Variants in CTSC observed in about 807,000 individuals in gnomAD.
CTSC encodes the protein cathepsin C.
A neutral mutation model predicts 40.9 loss-of-function variants in CTSC; 37 were observed. That is an observed-to-expected ratio of 0.91 (90% CI 0.70 to 1.19). CTSC has a LOEUF of 1.19. Ranked by LOEUF, CTSC falls within the 50% of genes most tolerant of loss-of-function variation. The probability of loss-of-function intolerance (pLI) is 0.00; values close to 1 mark genes in which losing one functional copy is unlikely to be tolerated. For missense variants in CTSC, 594 were observed against 567.3 expected, an observed-to-expected ratio of 1.05 and a Z score of -0.48; for synonymous variants, 232 against 207.4, an observed-to-expected ratio of 1.12 and a Z score of -1.02.
At chr11:88,295,404 G>T (rs1214374810) in intron 6 of CTSC, among the ~76,000 whole-genome samples, 2 of 151,612 alleles carry the variant, frequency 1.3e-5, no homozygotes, top group African/African-American at 4.8e-5. Context: ...TTCATAACAG[G>T]GCCTCACTCC....
At chr11:88,319,821 T>A (rs1404410813) in intron 2 of CTSC, among the ~76,000 whole-genome samples, 1 of 152,202 alleles carries the variant, frequency 6.6e-6, no homozygotes, top group Non-Finnish European at 1.5e-5. Flanking sequence ...AGATGATTTG[T>A]AATTTTGAAA....
chr11:88,326,097 G>T, intron 2 of CTSC: 1 of 1,273,108 alleles, frequency 7.9e-7, no homozygotes, highest in Non-Finnish European at 9.9e-7. Flanking sequence ...GTTGTATATT[G>T]TTCCTTTTAT....
At chr11:88,307,609 T>A (rs1446249349) in intron 4 of CTSC, among the ~76,000 whole-genome samples, 1 of 148,426 alleles carries the variant, frequency 6.7e-6, no homozygotes, top group Non-Finnish European at 1.5e-5. Flanking sequence ...GAGAGGATTT[T>A]GAGATTTTTT....
chr11:88,304,702 A>C (rs1437350552), intron 4 of CTSC, among the ~76,000 whole-genome samples: 1 of 152,248 alleles, frequency 6.6e-6, no homozygotes, highest in East Asian at 1.9e-4. Flanking sequence ...GACAGGCTGC[A>C]GTAAAGAAGC....
rs147075200 is a variant in CTSC, at chr11:88,316,655, C to T, written c.319-4101G>A. Among the ~76,000 whole-genome samples the T allele has an allele frequency of 7.2e-3, 1,100 of 152,178 alleles. 13 individuals carry two copies. Among genetic ancestry groups the T allele is most frequent in the South Asian group, 0.027 (129 of 4,828 alleles). On this transcript the variant is annotated intron_variant, in intron 2 of 6. Coordinates refer to ENST00000227266, the MANE Select transcript of CTSC (RefSeq NM_001814.6). ...TTTTGTTTATTCAGTACCTAGAAAACTATCTGGCACTAGGAAGTAATTAAC... is the reference window on the plus strand; with the variant it reads ...TTTTGTTTATTCAGTACCTAGAAAATTATCTGGCACTAGGAAGTAATTAAC...
intron 2 of CTSC, among the ~76,000 whole-genome samples, chr11:88,329,947 C>CA (rs1938305386): frequency 6.6e-6 from 1 of 152,162 alleles, no homozygotes; most frequent in Non-Finnish European, 1.5e-5. Flanking sequence ...CGCTAGTCTC[C>CA]AACTTCTCAA....
At chr11:88,303,622 T>C (rs1339770288) in intron 4 of CTSC, among the ~76,000 whole-genome samples, 1 of 152,218 alleles carries the variant, frequency 6.6e-6, no homozygotes, top group Non-Finnish European at 1.5e-5. Context: ...AACTTCCACT[T>C]GTTCAGCTAT....
intron 3 of CTSC, among the ~76,000 whole-genome samples, 184 bp from the exon 4 acceptor site, chr11:88,309,502 TTAAC>T (rs1404413300): frequency 1.3e-5 from 2 of 152,258 alleles, no homozygotes; most frequent in Admixed American, 1.3e-4. Flanking sequence ...AAAGTTCAAG[TTAAC>T]TAAGATGCAT....
intron 2 of CTSC, chr11:88,325,860 A>C: frequency 1.0e-6 from 1 of 986,902 alleles, no homozygotes; most frequent in Non-Finnish European, 1.2e-6. Flanking sequence ...TCCCTTCAAT[A>C]ACTTATATCT....
chr11:88,307,850 C>T (rs1046803212), intron 4 of CTSC, among the ~76,000 whole-genome samples: 4 of 152,102 alleles, frequency 2.6e-5, no homozygotes, highest in Non-Finnish European at 2.9e-5. Context: ...AATCACCCAA[C>T]GGGTTCTCCT....
Position 88,312,432 on chromosome 11 carries a change from C to A in CTSC, c.441G>T (p.Glu147Asp). 4 of 1,614,176 alleles carry A rather than the reference C, an allele frequency of 2.5e-6. No homozygotes were observed. The highest frequency in any genetic ancestry group is 3.4e-6 in the Non-Finnish European group (4 of 1,180,010). ...FTGKKVGTAS[E>D]NVYVNIAHLK... Reference sequence around the variant, plus strand: ...GGTGTGCTATGTTGACATACACATTCTCAGAGGCAGTTCCCACCTTCTTTC... The same window carrying A: ...GGTGTGCTATGTTGACATACACATTATCAGAGGCAGTTCCCACCTTCTTTC... The change falls in exon 3 of 7, where the codon GAG becomes GAT. Residue 147 changes from glutamate (E) to aspartate (D), a missense_variant. By Grantham distance (45) the Glu-to-Asp change is conservative (BLOSUM62 2). Coordinates refer to ENST00000227266, the MANE Select transcript of CTSC (RefSeq NM_001814.6).
At chr11:88,297,836 AAAG>A (rs1944315435) in intron 5 of CTSC, 1 of 152,234 alleles carries the variant, frequency 6.6e-6, no homozygotes, top group African/African-American at 2.4e-5. Flanking sequence ...GCAATGCAAT[AAAG>A]AATAAGAAGT....
At chr11:88,305,061 G>A (rs777731341) in intron 4 of CTSC, among the ~76,000 whole-genome samples, 4 of 149,464 alleles carry the variant, frequency 2.7e-5, no homozygotes, top group African/African-American at 5.0e-5. Context: ...TTGCTTTACC[G>A]CACTCCAGCC....
rs1443508824 is a variant in CTSC, at chr11:88,294,471, C to T, written c.927G>A (p.Lys309=). 1.2e-6 allele frequency: 2 copies of T among 1,614,164 alleles called. No individual in the cohort carries two copies. Among genetic ancestry groups the T allele is most frequent in the Non-Finnish European group, 1.7e-6 (2 of 1,180,026 alleles). Residue 309 remains lysine, a synonymous_variant, in exon 7 of 7, where the codon AAG becomes AAA. Coordinates refer to ENST00000227266, the MANE Select transcript of CTSC (RefSeq NM_001814.6). ...EGGFPYLIAG[K]YAQDFGLVEE... is the part of the protein sequence containing the mutation. ...CCACCAGCCCAAAATCTTGGGCGTA[C>T]TTTCCTGCAATAAGGTATGGGAAGC...
In CTSC at chr11:88,309,308, T is replaced by C. The variant is rs761218093; in HGVS notation, c.496A>G (p.Arg166Gly). 4 of 1,613,292 alleles carry C rather than the reference T, an allele frequency of 2.5e-6. No homozygotes were observed. In the South Asian group the frequency reaches 4.4e-5, roughly 18 times the overall value. The change falls in exon 4 of 7, where the codon AGG (arginine) becomes GGG (glycine). Residue 166 changes from arginine to glycine, a missense_variant. Arg to Gly is a moderately radical substitution (Grantham distance 125). Coordinates refer to ENST00000227266, the MANE Select transcript of CTSC (RefSeq NM_001814.6). Reference protein sequence around the residue: ...LKNSQEKYSNRLYKYDHNFVK... With the variant: ...LKNSQEKYSNGLYKYDHNFVK... ...AAGTTGTGATCATACTTGTAGAGCCTATTAGAATACCTGTCCCCAAAAATG... is the reference window on the plus strand; with the variant it reads ...AAGTTGTGATCATACTTGTAGAGCCCATTAGAATACCTGTCCCCAAAAATG...
At chr11:88,299,090 A>T in intron 5 of CTSC, 1 of 152,206 alleles carries the variant, frequency 6.6e-6, no homozygotes, top group Non-Finnish European at 1.5e-5. Flanking sequence ...GCCATTAAAA[A>T]AATCCTAATA....
chr11:88,317,356 G>A (rs1057069222), intron 2 of CTSC, among the ~76,000 whole-genome samples: 1 of 152,092 alleles, frequency 6.6e-6, no homozygotes, highest in Admixed American at 6.5e-5. Context: ...TGTTTTTGTT[G>A]TTATAACTTA....
chr11:88,294,097 C>A lies in CTSC; in HGVS notation c.1301G>T (p.Gly434Val). 1 of 1,614,026 alleles carries A rather than the reference C, an allele frequency of 6.2e-7. No homozygotes were observed. Among genetic ancestry groups the A allele is most frequent in the Non-Finnish European group, 8.5e-7 (1 of 1,180,008 alleles). ...IVKNSWGTGW[G>V]ENGYFRIRRG... is the part of the protein sequence containing the mutation. ...GCGGATCCGGAAGTAGCCATTCTCA[C>A]CCCAGCCGGTGCCCCAGCTGTTTTT... The change falls in exon 7 of 7, where the codon GGT becomes GTT. Residue 434 changes from glycine to valine, a missense_variant. Coordinates refer to ENST00000227266, the MANE Select transcript of CTSC (RefSeq NM_001814.6).
At chr11:88,323,246 A>C (rs1383426215) in intron 2 of CTSC, 3 of 152,218 alleles carry the variant, frequency 2.0e-5, no homozygotes, top group Non-Finnish European at 4.4e-5. Flanking sequence ...ACTCTCAATA[A>C]ACTAGGTATT....
Sources: allele counts gnomAD v4.1 joint callset (sites outside exome capture counted in the v4.1 genomes callset), GRCh38; gene constraint gnomAD v4.1.1; transcripts MANE v1.5; gene names NCBI Gene and HGNC (gene_info 2026-07-23, HGNC 2026-07-21).